The following TGFBRAP1 variants were observed in gnomAD, a reference collection of about 807,000 sequenced individuals.
TGFBRAP1 encodes the protein transforming growth factor-beta receptor-associated protein 1.
In TGFBRAP1, 20 loss-of-function variants were observed where a neutral mutation model predicts 83.2. That is an observed-to-expected ratio of 0.24 (90% confidence interval 0.17 to 0.35). TGFBRAP1 has a LOEUF of 0.35. TGFBRAP1 is among the 10% of genes least tolerant of loss of function. The pLI is 1.00. For missense variants in TGFBRAP1, 950 were observed against 1,099.4 expected, an observed-to-expected ratio of 0.86 and a Z score of 1.92; for synonymous variants, 415 against 459.8, an observed-to-expected ratio of 0.90 and a Z score of 1.25.
Position 105,273,700 on chromosome 2 carries a change from G to T in TGFBRAP1, c.1666-10C>A. ...AAACCTGAACTCCGACCTGAAAGAG[G>T]AGCGACAATACAGTGACTGTGCTTC... On this transcript the variant is annotated splice_polypyrimidine_tract_variant and intron_variant, in intron 8 of 11. Transcript: ENST00000393359. 1 of 1,613,796 alleles carries T rather than the reference G, an allele frequency of 6.2e-7. No individual in the cohort carries two copies. The highest frequency in any genetic ancestry group is 1.1e-5 in the South Asian group (1 of 90,960).
intron 10 of TGFBRAP1, 117 bp downstream of exon 10, chr2:105,272,738 C>G (rs1677200576): frequency 7.5e-7 from 1 of 1,337,020 alleles, no homozygotes; most frequent in African/African-American, 1.5e-5. Flanking sequence ...AAAAGAGGCT[C>G]AAAGAATCAC....
Position 105,320,537 on chromosome 2 carries a change from A to G in TGFBRAP1, c.-18+9088T>C, listed in dbSNP as rs539379604. Among the ~76,000 whole-genome samples, 4 of 152,306 alleles carry G rather than the reference A, an allele frequency of 2.6e-5. No homozygotes were observed. The South Asian group carries it at 8.3e-4, about 32-fold the overall frequency. On this transcript the variant is annotated intron_variant, in intron 1 of 11. Coordinates refer to ENST00000393359, the MANE Select transcript of TGFBRAP1 (RefSeq NM_004257.6). Reference sequence around the variant, plus strand: ...ATGTGGGCCACACACCTGAAACACTAGGTCATTATCCTCCTTATAACATAC... The same window carrying G: ...ATGTGGGCCACACACCTGAAACACTGGGTCATTATCCTCCTTATAACATAC...
the TGFBRAP1 span, among the ~76,000 whole-genome samples, chr2:105,259,035 A>C: frequency 6.6e-6 from 1 of 152,200 alleles, no homozygotes; most frequent in Admixed American, 6.5e-5. Flanking sequence ...CAGTTATGGG[A>C]GCAGAGATAA....
Position 105,307,938 on chromosome 2 carries a change from A to G in TGFBRAP1, c.364T>C (p.Phe122Leu). 1 of 1,614,182 alleles carries G rather than the reference A, an allele frequency of 6.2e-7. No individual in the cohort carries two copies. The highest frequency in any genetic ancestry group is 8.5e-7 in the Non-Finnish European group (1 of 1,180,028). ...SGARIKGAAT[F>L]ALNENPVSGD... ...CTCACAGGGTTCTCGTTCAGTGCAAACGTGGCTGCCCCCTTGATGCGGGCC... is the reference window on the plus strand; with the variant it reads ...CTCACAGGGTTCTCGTTCAGTGCAAGCGTGGCTGCCCCCTTGATGCGGGCC... Residue 122 changes from phenylalanine (F) to leucine (L), a missense_variant, in exon 2 of 12, where the codon TTT becomes CTT. Transcript: ENST00000393359.
rs112733315 is a variant in TGFBRAP1, at chr2:105,275,246, G to A, written c.1665+314C>T. Reference sequence around the variant, plus strand: ...TCAGACTTCTGAGGGGTCGAGGAGCGGGGTTCACAGACACAAGTTCTTAAG... The same window carrying A: ...TCAGACTTCTGAGGGGTCGAGGAGCAGGGTTCACAGACACAAGTTCTTAAG... On this transcript the variant is annotated intron_variant, in intron 8 of 11. Coordinates refer to ENST00000393359, the MANE Select transcript of TGFBRAP1 (RefSeq NM_004257.6). Among the ~76,000 whole-genome samples the A allele has an allele frequency of 2.5e-4, 38 of 152,294 alleles. No homozygotes were observed. In the South Asian group the frequency reaches 6.2e-3, roughly 25 times the overall value.
chr2:105,285,724 T>A (rs1558636999), intron 4 of TGFBRAP1, among the ~76,000 whole-genome samples: 1 of 152,202 alleles, frequency 6.6e-6, no homozygotes, highest in Non-Finnish European at 1.5e-5. Context: ...TAAAGGACTC[T>A]CAGAAGCATA....
In TGFBRAP1 at chr2:105,290,831, C is replaced by T. The variant is rs143890115; in HGVS notation, c.1038+5525G>A. Among the ~76,000 whole-genome samples the T allele has an allele frequency of 5.7e-3, 861 of 152,126 alleles. 10 individuals are homozygous for T. The highest frequency in any genetic ancestry group is 0.02 in the African/African-American group (826 of 41,486). ...ACCAGCCTAGCCAACATGGTGAAAC[C>T]TCATCTCTACTGAAAATACAAAAAA... On this transcript the variant is annotated intron_variant, in intron 4 of 11. Transcript: ENST00000393359.
intron 1 of TGFBRAP1, among the ~76,000 whole-genome samples, chr2:105,321,172 T>A (rs1975292): frequency 0.7 from 103,266 of 147,712 alleles, 36,284 homozygotes; most frequent in East Asian, 0.8. Context: ...TTATTTATTT[T>A]TTTTTTTTTT....
intron 1 of TGFBRAP1, among the ~76,000 whole-genome samples, chr2:105,319,162 G>A (rs1294580240): frequency 6.6e-6 from 1 of 151,934 alleles, no homozygotes; most frequent in African/African-American, 2.4e-5. Context: ...CTAGGTTCAA[G>A]CGATTCTCGT....
chr2:105,296,276 G>A, intron 4 of TGFBRAP1, 80 bp downstream of exon 4: 1 of 1,548,420 alleles, frequency 6.5e-7, no homozygotes, highest in South Asian at 1.1e-5. Context: ...CACAGGAAGG[G>A]CCGATGCATG....
the TGFBRAP1 span, among the ~76,000 whole-genome samples, chr2:105,259,312 C>G: frequency 6.6e-6 from 1 of 152,158 alleles, no homozygotes; most frequent in African/African-American, 2.4e-5. Context: ...AATACCAGCC[C>G]TTCCCCTCCC....
intron 8 of TGFBRAP1, 88 bp from the exon 9 acceptor site, chr2:105,273,778 G>T: frequency 6.8e-7 from 1 of 1,480,050 alleles, no homozygotes. Context: ...TTCAAGCTTT[G>T]GATAAAATCA....
intron 1 of TGFBRAP1, among the ~76,000 whole-genome samples, chr2:105,312,098 C>T (rs1678714820): frequency 6.6e-6 from 1 of 151,942 alleles, no homozygotes; most frequent in Non-Finnish European, 1.5e-5. Flanking sequence ...GGTAATGTTT[C>T]AAAAGGAAAC....
chr2:105,263,018 T>A (rs955067879), downstream of TGFBRAP1, among the ~76,000 whole-genome samples: 2 of 152,228 alleles, frequency 1.3e-5, no homozygotes, highest in African/African-American at 2.4e-5. Flanking sequence ...CTAATTACTC[T>A]AACACGAGTC....
intron 4 of TGFBRAP1, among the ~76,000 whole-genome samples, chr2:105,291,260 G>A (rs1677902864): frequency 6.6e-6 from 1 of 152,098 alleles, no homozygotes; most frequent in Admixed American, 6.5e-5. Flanking sequence ...TCTGCCACGT[G>A]AAGACAGAGA....
At chr2:105,270,504 A>G (rs1033168857) in intron 10 of TGFBRAP1, among the ~76,000 whole-genome samples, 2 of 152,250 alleles carry the variant, frequency 1.3e-5, no homozygotes, top group Non-Finnish European at 2.9e-5. Context: ...AGTGAGGCTC[A>G]TCTGTTTTTA....
At chr2:105,283,377 C>T (rs977731553) in intron 5 of TGFBRAP1, among the ~76,000 whole-genome samples, 5 of 152,140 alleles carry the variant, frequency 3.3e-5, no homozygotes, top group African/African-American at 4.8e-5. Flanking sequence ...GATGTAAGGA[C>T]GTGGCTGGTC....
chr2:105,285,366 T>A (rs545172090), intron 4 of TGFBRAP1, among the ~76,000 whole-genome samples: 2 of 152,356 alleles, frequency 1.3e-5, no homozygotes, highest in African/African-American at 4.8e-5. Context: ...CTCTGATCCA[T>A]TTGTATGAAA....
At chr2:105,251,549 A>G in the TGFBRAP1 span, among the ~76,000 whole-genome samples, 2 of 123,860 alleles carry the variant, frequency 1.6e-5, no homozygotes, top group African/African-American at 6.3e-5. Context: ...CTGGCCAGCC[A>G]CCCCGTCTGG....
Sources: allele counts gnomAD v4.1 joint callset (sites outside exome capture counted in the v4.1 genomes callset), GRCh38; gene constraint gnomAD v4.1.1; transcripts MANE v1.5; gene names NCBI Gene and HGNC (gene_info 2026-07-23, HGNC 2026-07-21).